IGF1R: variants seen among roughly 807,000 people sequenced by gnomAD.
IGF1R encodes the protein insulin like growth factor 1 receptor.
Under a neutral mutation model 144.6 loss-of-function variants are expected in IGF1R, and 44 were observed. The observed-to-expected ratio is 0.30, with a 90% confidence interval of 0.24 to 0.39. IGF1R has a LOEUF of 0.39. IGF1R is among the 10% of genes least tolerant of loss of function. The pLI is 1.00. For synonymous variants in IGF1R, 795 were observed against 722.8 expected (o/e 1.10, Z -1.60); for missense variants, 1,355 against 1,833.7 (o/e 0.74, Z 4.77).
At chr15:98,687,601 G>T (rs147755618) in intron 1 of IGF1R, among the ~76,000 whole-genome samples, 1 of 152,110 alleles carries the variant, frequency 6.6e-6, no homozygotes, top group African/African-American at 2.4e-5. Flanking sequence ...TGGAAAGTCC[G>T]CCTTGGTAGT....
intron 2 of IGF1R, among the ~76,000 whole-genome samples, chr15:98,852,313 C>T (rs879569355): frequency 1.7e-4 from 26 of 152,188 alleles, no homozygotes; most frequent in Non-Finnish European, 3.5e-4. Flanking sequence ...CGCCCCACCC[C>T]GCCCCGGGTG....
chr15:98,667,525 T>C (rs1055445801), intron 1 of IGF1R, among the ~76,000 whole-genome samples: 2 of 152,214 alleles, frequency 1.3e-5, no homozygotes, highest in African/African-American at 4.8e-5. Context: ...GCATGCTGTG[T>C]GTCGAAGGCC....
At chr15:98,664,222 C>A (rs1314921392) in intron 1 of IGF1R, among the ~76,000 whole-genome samples, 2 of 152,136 alleles carry the variant, frequency 1.3e-5, no homozygotes, top group African/African-American at 4.8e-5. Context: ...AGAAAGCAGG[C>A]CTTCTCCCTT....
Position 98,704,301 on chromosome 15 carries a change from G to T in IGF1R, c.95-3261G>T, listed in dbSNP as rs904594872. On this transcript the variant is annotated intron_variant, in intron 1 of 20. Transcript: ENST00000650285. This position sits in a 1 kb window ranked among gnomAD's most constrained non-coding sequence, Gnocchi z 4.9. ...AGTTGGGGGAATAGTTGAAGCTAAG[G>T]TGTTTAGGCAGAGCTCTGAGGAGGT... Among the ~76,000 whole-genome samples the T allele has an allele frequency of 1.3e-5, 2 of 152,320 alleles. No individual in the cohort carries two copies. The highest frequency in any genetic ancestry group is 6.8e-3 in the Middle Eastern group (2 of 294).
At chr15:98,832,722 C>A (rs1011341343) in intron 2 of IGF1R, among the ~76,000 whole-genome samples, 2 of 152,108 alleles carry the variant, frequency 1.3e-5, no homozygotes, top group African/African-American at 4.8e-5. Flanking sequence ...AGTTAATTAC[C>A]TTATGCTAAG....
intron 6 of IGF1R, among the ~76,000 whole-genome samples, chr15:98,909,642 G>T (rs1472659809): frequency 6.6e-6 from 1 of 152,326 alleles, no homozygotes; most frequent in South Asian, 2.1e-4. Flanking sequence ...GCACAGGCCT[G>T]TGGGGTGGAG....
At chr15:98,763,927 C>A (rs1338010033) in intron 2 of IGF1R, among the ~76,000 whole-genome samples, 1 of 152,156 alleles carries the variant, frequency 6.6e-6, no homozygotes, top group African/African-American at 2.4e-5. Context: ...GCTTCTAGAG[C>A]TTTCTTTCCC....
At chr15:98,856,195 G>T (rs2011807460) in intron 2 of IGF1R, among the ~76,000 whole-genome samples, 1 of 152,226 alleles carries the variant, frequency 6.6e-6, no homozygotes, top group African/African-American at 2.4e-5. Flanking sequence ...AAGCTCTGGG[G>T]CTGCAAAGAT....
At chr15:98,861,719 T>G (rs2012168330) in intron 2 of IGF1R, among the ~76,000 whole-genome samples, 2 of 152,180 alleles carry the variant, frequency 1.3e-5, no homozygotes, top group Non-Finnish European at 2.9e-5. Context: ...AAAAAGGAGC[T>G]TATGGGGATG....
intron 3 of IGF1R, among the ~76,000 whole-genome samples, chr15:98,893,109 C>G (rs552701360): frequency 6.6e-6 from 1 of 152,294 alleles, no homozygotes; most frequent in South Asian, 2.1e-4. Context: ...CTGTCAAAAT[C>G]TATTCTACAA....
At chr15:98,882,090 T>C (rs1311298262) in intron 2 of IGF1R, among the ~76,000 whole-genome samples, 2 of 152,130 alleles carry the variant, frequency 1.3e-5, no homozygotes, top group Non-Finnish European at 2.9e-5. Flanking sequence ...GCAAGCTGCT[T>C]TGGGCAAAAA....
intron 2 of IGF1R, among the ~76,000 whole-genome samples, chr15:98,879,950 G>A (rs1231131045): frequency 6.6e-6 from 1 of 152,194 alleles, no homozygotes; most frequent in African/African-American, 2.4e-5. Context: ...GACGAAAAGT[G>A]TAATAGTGAT....
chr15:98,795,466 G>C (rs2056219707), intron 2 of IGF1R, among the ~76,000 whole-genome samples: 1 of 152,080 alleles, frequency 6.6e-6, no homozygotes, highest in South Asian at 2.1e-4. Flanking sequence ...CCAGGCTGGA[G>C]TGCAGTGGCA....
intron 19 of IGF1R, among the ~76,000 whole-genome samples, chr15:98,945,997 C>T (rs988118388): frequency 6.6e-5 from 10 of 151,388 alleles, no homozygotes; most frequent in Admixed American, 2.0e-4. Context: ...GTGGAAGATG[C>T]GGGGATGATG....
intron 2 of IGF1R, among the ~76,000 whole-genome samples, chr15:98,813,754 C>T (rs1164072157): frequency 6.6e-6 from 1 of 152,194 alleles, no homozygotes; most frequent in Non-Finnish European, 1.5e-5. Flanking sequence ...TGCAGAGCGG[C>T]CCCAGTCCAT....
intron 13 of IGF1R, 74 bp from the exon 14 acceptor site, chr15:98,929,484 A>G (rs761272253): frequency 3.8e-5 from 44 of 1,159,948 alleles, no homozygotes; most frequent in Non-Finnish European, 5.5e-5. Context: ...CATACTTCCA[A>G]CTGAATGTGA....
rs1427966112 is a variant in IGF1R at position 98,658,015 on chromosome 15, T to C, written c.94+8340T>C. ...CCCTTAGTCTGATGGACTTGCCAGC[T>C]CCAAATACTCAGAACGTGCCTCTTG... On this transcript the variant is annotated intron_variant, in intron 1 of 20. Coordinates refer to ENST00000650285, the MANE Select transcript of IGF1R (RefSeq NM_000875.5). Among the ~76,000 whole-genome samples the C allele has an allele frequency of 2.0e-5, 3 of 152,132 alleles. No individual in the cohort carries two copies. The East Asian group carries it at 5.8e-4, about 29-fold the overall frequency.
intron 2 of IGF1R, among the ~76,000 whole-genome samples, chr15:98,746,210 G>A (rs2054860777): frequency 6.6e-6 from 1 of 152,188 alleles, no homozygotes; most frequent in South Asian, 2.1e-4. Context: ...CCAAGTAACT[G>A]AAAAACACGA....
chr15:98,958,800 ACTT>A lies in IGF1R; in HGVS notation c.*1362_*1364del, dbSNP rs2017113227. 5 of 233,140 alleles carry A rather than the reference ACTT, an allele frequency of 2.1e-5. No homozygotes were observed. In the East Asian group the frequency reaches 3.0e-4, roughly 14 times the overall value. The allele number at this position is 233,140 out of a possible 1,614,324, so 14.4% of individuals were successfully genotyped here. On this transcript the variant is annotated 3_prime_UTR_variant, in exon 21 of 21. Coordinates refer to ENST00000650285, the MANE Select transcript of IGF1R (RefSeq NM_000875.5). Reference sequence around the variant, plus strand: ...CTCCCCTTTCTGCTCACTCCAAGAAACTTCTTATGCTTTGTACTAGAGTGCGTG... The same window carrying A: ...CTCCCCTTTCTGCTCACTCCAAGAAACTTATGCTTTGTACTAGAGTGCGTG...
Sources: allele counts gnomAD v4.1 joint callset (sites outside exome capture counted in the v4.1 genomes callset), GRCh38; gene constraint gnomAD v4.1.1; non-coding constraint Gnocchi (gnomAD v3.1); transcripts MANE v1.5; gene names NCBI Gene and HGNC (gene_info 2026-07-23, HGNC 2026-07-21).